GALNT10: variants seen among roughly 807,000 people sequenced by gnomAD.
The protein encoded by GALNT10 is GalNAc transferase 10.
Under a neutral mutation model 75.0 loss-of-function variants are expected in GALNT10, and 41 were observed. The observed-to-expected ratio is 0.55, with a 90% CI of 0.43 to 0.71. GALNT10 has a LOEUF of 0.71. Among genes scored for constraint, GALNT10 ranks in the 30% least tolerant of loss-of-function variants. The pLI is 0.00. For missense variants in GALNT10, 727 were observed against 818.5 expected (o/e 0.89, Z 1.36); for synonymous variants, 302 against 313.0 (o/e 0.96, Z 0.37).
chr5:154,417,226 C>T lies in GALNT10; in HGVS notation c.*254C>T. The T allele has an allele frequency of 2.2e-6, 1 of 456,030 alleles. No individual in the cohort carries two copies. The highest frequency in any genetic ancestry group is 3.6e-5 in the East Asian group (1 of 27,608). The allele number at this position is 456,030 out of a possible 1,614,324, so 28.2% of individuals were successfully genotyped here. A position where few individuals can be genotyped will look rare whatever the true frequency, so the allele number is the denominator to read the frequency against. ...AGACTGCTTTAATCCCTGCTGACAT[C>T]ACGGAAAAGCAACAGAGCCTTTTCA... On this transcript the variant is annotated 3_prime_UTR_variant, in exon 12 of 12. Transcript: ENST00000297107.
At position 154,298,133 on chromosome 5, in the gene GALNT10, G is replaced by C. The variant is rs950913184; in HGVS notation, c.401+54G>C. 1 of 1,540,094 alleles carries C rather than the reference G, an allele frequency of 6.5e-7. No homozygotes were observed. Among genetic ancestry groups the C allele is most frequent in the Non-Finnish European group, 8.9e-7 (1 of 1,122,778 alleles). On this transcript the variant is annotated intron_variant, in intron 3 of 11. Transcript: ENST00000297107. The surrounding 1 kb of genome is among the most constrained non-coding windows in gnomAD (Gnocchi z 4.1). ...ATCTAAGGATGTTTCCCTGGCTGTTGTTGAGAATTAATTAAGGAAGCAGGT... is the reference window on the plus strand; with the variant it reads ...ATCTAAGGATGTTTCCCTGGCTGTTCTTGAGAATTAATTAAGGAAGCAGGT...
rs1774845205 is a variant in GALNT10, at chr5:154,190,836, C to CGGCGGGGCGCGGCGGGGCT, written c.-29_-11dup. ...GGAGCTGGGGGCGGCGCGGCGGGGC[C>CGGCGGGGCGCGGCGGGGCT]GGCGGGGCGCGGCGGGGCTGACCGG... is the stretch of plus-strand genomic sequence containing the variant. On this transcript the variant is annotated 5_prime_UTR_variant, in exon 1 of 12. Transcript: ENST00000297107. 6 of 1,135,278 alleles carry CGGCGGGGCGCGGCGGGGCT rather than the reference C, an allele frequency of 5.3e-6. No individual in the cohort carries two copies. Among genetic ancestry groups the CGGCGGGGCGCGGCGGGGCT allele is most frequent in the African/African-American group, 3.3e-5 (2 of 60,446 alleles). The allele number at this position is 1,135,278 out of a possible 1,614,324, so 70.3% of individuals were successfully genotyped here. A position where few individuals can be genotyped will look rare whatever the true frequency, so the allele number is the denominator to read the frequency against.
chr5:154,374,813 T>C (rs1023227029), intron 4 of GALNT10, among the ~76,000 whole-genome samples: 2 of 152,224 alleles, frequency 1.3e-5, no homozygotes, highest in African/African-American at 4.8e-5. Context: ...CCCTCCTTGA[T>C]GAAGAGAGGG....
chr5:154,213,012 G>T (rs1284558797), intron 1 of GALNT10, among the ~76,000 whole-genome samples: 1 of 151,934 alleles, frequency 6.6e-6, no homozygotes. Context: ...CAGACCTATG[G>T]GTTTAAATTT....
At chr5:154,350,848 A>C (rs1375602248) in intron 4 of GALNT10, among the ~76,000 whole-genome samples, 1 of 152,236 alleles carries the variant, frequency 6.6e-6, no homozygotes, top group Non-Finnish European at 1.5e-5. Flanking sequence ...GCCATTAAAA[A>C]TATGCTGTAA....
rs746209138 is a variant in GALNT10, at chr5:154,329,661, C to T, written c.491C>T (p.Thr164Ile). The T allele has an allele frequency of 1.2e-6, 2 of 1,613,340 alleles. No homozygotes were observed. Among genetic ancestry groups the T allele is most frequent in the South Asian group, 2.2e-5 (2 of 91,064 alleles). Residue 164 changes from threonine to isoleucine, a missense_variant, in exon 4 of 12, where the codon ACC becomes ATC. Transcript: ENST00000297107. ...HNEGWSSLLR[T>I]VHSVLNRSPP... Reference sequence around the variant, plus strand: ...GAGGGCTGGTCCTCCCTCCTCCGCACCGTCCACAGTGTGCTCAATCGCTCG... The same window carrying T: ...GAGGGCTGGTCCTCCCTCCTCCGCATCGTCCACAGTGTGCTCAATCGCTCG...
At chr5:154,294,471 T>C (rs896887130) in intron 1 of GALNT10, among the ~76,000 whole-genome samples, 1 of 152,262 alleles carries the variant, frequency 6.6e-6, no homozygotes, top group Non-Finnish European at 1.5e-5. Flanking sequence ...ATGTGGATAC[T>C]GGAAAATTTC....
chr5:154,236,545 G>A (rs1268025176), intron 1 of GALNT10, among the ~76,000 whole-genome samples: 1 of 152,128 alleles, frequency 6.6e-6, no homozygotes, highest in Admixed American at 6.5e-5. Flanking sequence ...AATTCATGGG[G>A]AGCCCCTGTA....
intron 7 of GALNT10, 175 bp downstream of exon 7, chr5:154,386,605 G>C (rs1561678728): frequency 6.7e-6 from 4 of 600,020 alleles, no homozygotes; most frequent in East Asian, 3.1e-5. Context: ...GTTGTGGGGT[G>C]GGGGGGTGTG....
chr5:154,196,909 A>G (rs1774954409), intron 1 of GALNT10, among the ~76,000 whole-genome samples: 1 of 152,210 alleles, frequency 6.6e-6, no homozygotes, highest in African/African-American at 2.4e-5. Context: ...TATCTAGAGA[A>G]GAAGCCCACA....
At chr5:154,230,652 C>A (rs573990302) in intron 1 of GALNT10, among the ~76,000 whole-genome samples, 1 of 152,166 alleles carries the variant, frequency 6.6e-6, no homozygotes, top group Non-Finnish European at 1.5e-5. Context: ...GACTTGTGAG[C>A]CTCTCTTGCA....
chr5:154,404,286 C>A (rs569292519), intron 8 of GALNT10, 75 bp downstream of exon 8: 3 of 748,978 alleles, frequency 4.0e-6, no homozygotes, highest in Admixed American at 2.9e-5. Context: ...CACCCTGGGG[C>A]CCTAGACTGT....
chr5:154,395,607 G>C (rs149156187), intron 7 of GALNT10, among the ~76,000 whole-genome samples: 1 of 152,326 alleles, frequency 6.6e-6, no homozygotes, highest in Non-Finnish European at 1.5e-5. Flanking sequence ...AGGTCAAAAG[G>C]CCTTGGCTCT....
At chr5:154,361,025 T>A (rs1049941619) in intron 4 of GALNT10, among the ~76,000 whole-genome samples, 6 of 152,178 alleles carry the variant, frequency 3.9e-5, no homozygotes. Context: ...AAAAGATTTA[T>A]CATTAGAGAG....
At chr5:154,363,492 G>GAAAAAAAAAAAAAAAAAAAAA (rs57710576) in intron 4 of GALNT10, among the ~76,000 whole-genome samples, 1 of 37,518 alleles carries the variant, frequency 2.7e-5, no homozygotes, top group Non-Finnish European at 5.4e-5. Flanking sequence ...GCGTTTATCT[G>GAAAAAAAAAAAAAAAAAAAAA]AAAAAAAAAA....
At chr5:154,237,768 A>G (rs1753268989) in intron 1 of GALNT10, among the ~76,000 whole-genome samples, 1 of 152,166 alleles carries the variant, frequency 6.6e-6, no homozygotes, top group South Asian at 2.1e-4. Flanking sequence ...TTGGGGAGCA[A>G]GATTACAGAG....
At chr5:154,202,475 A>G (rs574507169) in intron 1 of GALNT10, among the ~76,000 whole-genome samples, 9 of 152,348 alleles carry the variant, frequency 5.9e-5, no homozygotes, top group African/African-American at 1.7e-4. Flanking sequence ...TCAGCACTGT[A>G]ATCCCAGGGA....
chr5:154,359,509 A>C (rs1755348946), intron 4 of GALNT10, among the ~76,000 whole-genome samples: 1 of 147,416 alleles, frequency 6.8e-6, no homozygotes, highest in African/African-American at 2.5e-5. Flanking sequence ...CTTCACCTAA[A>C]TCCTAAAAGG....
At chr5:154,366,027 C>G (rs895433692) in intron 4 of GALNT10, among the ~76,000 whole-genome samples, 1 of 152,214 alleles carries the variant, frequency 6.6e-6, no homozygotes, top group African/African-American at 2.4e-5. Context: ...AGATAGTACT[C>G]GTTTTGGTTG....
Sources: gnomAD v4.1 joint callset for allele counts (sites outside exome capture counted in the v4.1 genomes callset) on GRCh38, gnomAD v4.1.1 for gene constraint, Gnocchi (gnomAD v3.1) non-coding constraint, MANE v1.5 for transcripts, NCBI Gene and HGNC (gene_info 2026-07-23, HGNC 2026-07-21) for gene names.